SAMMSON: variants seen among roughly 807,000 people sequenced by gnomAD.
SAMMSON encodes the protein long intergenic non-protein coding RNA 1212.
rs1288444172 is a variant in SAMMSON at position 70,028,176 on chromosome 3, TTCCTTCCTTC to T, written n.417+14505_417+14514del. On this transcript the variant is annotated intron_variant and non_coding_transcript_variant, in intron 3 of 9. Transcript: ENST00000642114. ...CTTCCTTCCTTCCTTCCTTCCTTCC[TTCCTTCCTTC>T]CTTTCTTTCTTTCTTTCTCTCTTTC... Among the ~76,000 whole-genome samples, 602 of 147,714 alleles carry T rather than the reference TTCCTTCCTTC, an allele frequency of 4.1e-3. 5 individuals are homozygous for T. The highest frequency in any genetic ancestry group is 0.016 in the South Asian group (71 of 4,516).
At chr3:70,052,975 G>A (rs2067151905) in intron 3 of SAMMSON, among the ~76,000 whole-genome samples, 1 of 151,982 alleles carries the variant, frequency 6.6e-6, no homozygotes, top group Admixed American at 6.6e-5. Context: ...TGTGTTTCTT[G>A]TATATTAAAG....
At chr3:70,092,070 G>A (rs1333766624) in intron 4 of SAMMSON, among the ~76,000 whole-genome samples, 1 of 152,012 alleles carries the variant, frequency 6.6e-6, no homozygotes, top group Non-Finnish European at 1.5e-5. Context: ...GAAGATCTAG[G>A]CTCTAGGCCT....
At chr3:70,116,100 C>T (rs1463059204) in intron 4 of SAMMSON, among the ~76,000 whole-genome samples, 1 of 152,066 alleles carries the variant, frequency 6.6e-6, no homozygotes, top group Admixed American at 6.5e-5. Context: ...AAATTTCTGA[C>T]ACCCTCTTCA....
At chr3:70,263,418 G>T (rs1701886456) in intron 6 of SAMMSON, among the ~76,000 whole-genome samples, 1 of 152,064 alleles carries the variant, frequency 6.6e-6, no homozygotes, top group African/African-American at 2.4e-5. Context: ...AGCTAATTTA[G>T]CTTTTCTAAG....
downstream of SAMMSON, among the ~76,000 whole-genome samples, chr3:70,393,345 G>C (rs997841590): frequency 6.6e-6 from 1 of 152,182 alleles, no homozygotes; most frequent in African/African-American, 2.4e-5. Context: ...ATATGAGACA[G>C]TATATATAAA....
intron 1 of SAMMSON, among the ~76,000 whole-genome samples, chr3:70,007,983 C>G (rs2066935718): frequency 6.6e-6 from 1 of 151,988 alleles, no homozygotes; most frequent in Non-Finnish European, 1.5e-5. Flanking sequence ...TCTAAGGGCT[C>G]TGTTCTGTTC....
intron 7 of SAMMSON, among the ~76,000 whole-genome samples, chr3:70,350,183 A>G (rs1476094963): frequency 1.3e-5 from 2 of 152,190 alleles, no homozygotes; most frequent in African/African-American, 4.8e-5. Flanking sequence ...CCAGAATGCA[A>G]AAAGTGTTCC....
chr3:70,395,693 T>G (rs1251606487), intron 2 of SAMMSON, among the ~76,000 whole-genome samples: 3 of 151,820 alleles, frequency 2.0e-5, no homozygotes, highest in Non-Finnish European at 4.4e-5. Context: ...GAATGTGGAG[T>G]GGCAGGGACA....
intron 4 of SAMMSON, among the ~76,000 whole-genome samples, chr3:70,180,027 T>TGTGC (rs1553643637): frequency 1.0e-4 from 10 of 99,232 alleles, no homozygotes; most frequent in Non-Finnish European, 2.2e-4. Flanking sequence ...TGTGTGTGTG[T>TGTGC]GCGCGCACGT....
intron 6 of SAMMSON, among the ~76,000 whole-genome samples, chr3:70,279,016 C>G (rs777577909): frequency 2.0e-5 from 3 of 150,826 alleles, no homozygotes; most frequent in Non-Finnish European, 4.4e-5. Context: ...ATGTAGATGC[C>G]TATCAGTATC....
At chr3:70,155,747 C>G (rs1037428257) in intron 4 of SAMMSON, among the ~76,000 whole-genome samples, 1 of 152,014 alleles carries the variant, frequency 6.6e-6, no homozygotes, top group African/African-American at 2.4e-5. Flanking sequence ...ATCAGTCTCT[C>G]TCTTTCTTTG....
At chr3:70,013,278 CT>C (rs1559771963) in intron 2 of SAMMSON, among the ~76,000 whole-genome samples, 1 of 151,864 alleles carries the variant, frequency 6.6e-6, no homozygotes, top group Admixed American at 6.6e-5. Context: ...GAATGAGTTT[CT>C]TTTTTTAAAA....
intron 4 of SAMMSON, among the ~76,000 whole-genome samples, chr3:70,245,440 C>T (rs1298603267): frequency 1.3e-5 from 2 of 151,368 alleles, no homozygotes; most frequent in Non-Finnish European, 1.5e-5. Flanking sequence ...ACAAACTTGA[C>T]TTTGAATATG....
intron 3 of SAMMSON, among the ~76,000 whole-genome samples, chr3:70,067,712 C>T (rs960671723): frequency 2.0e-5 from 3 of 152,044 alleles, no homozygotes; most frequent in African/African-American, 7.2e-5. Flanking sequence ...AGATAAGCTG[C>T]AGCTGTGCCT....
At chr3:70,029,005 G>A (rs895019679) in intron 3 of SAMMSON, among the ~76,000 whole-genome samples, 6 of 152,166 alleles carry the variant, frequency 3.9e-5, no homozygotes, top group Admixed American at 3.9e-4. Context: ...GTGACTAGGA[G>A]ATCTGGTATT....
intron 2 of SAMMSON, among the ~76,000 whole-genome samples, chr3:70,427,561 A>G (rs2106777924): frequency 6.6e-6 from 1 of 152,122 alleles, no homozygotes; most frequent in Non-Finnish European, 1.5e-5. Context: ...GACACGGTGA[A>G]ACCCCGTCTC....
Position 70,365,970 on chromosome 3 carries a change from C to CTTT in SAMMSON, n.913+7675_913+7677dup, listed in dbSNP as rs1193657961. 2.7e-3 allele frequency among the ~76,000 whole-genome samples: 75 copies of CTTT among 27,772 alleles called. 26 individuals carry two copies. The highest frequency in any genetic ancestry group is 0.013 in the East Asian group (15 of 1,138). The allele number at this position is 27,772 out of a possible 152,430, so 18.2% of individuals were successfully genotyped here. A position where few individuals can be genotyped will look rare whatever the true frequency, so the allele number is the denominator to read the frequency against. ...AAAAATTGTTTGTGCTTTACCTTTT[C>CTTT]TTTTTTTTTTTTTTTTTTTTTTTTT... On this transcript the variant is annotated intron_variant and non_coding_transcript_variant, in intron 9 of 9. Coordinates refer to ENST00000642114, the Ensembl canonical transcript of SAMMSON.
At chr3:70,386,669 A>G (rs1703124907) in intron 9 of SAMMSON, among the ~76,000 whole-genome samples, 1 of 152,022 alleles carries the variant, frequency 6.6e-6, no homozygotes. Context: ...TTGAAGCAGC[A>G]ATGGTTATTA....
chr3:70,052,495 AT>A, intron 3 of SAMMSON, among the ~76,000 whole-genome samples: 1 of 152,250 alleles, frequency 6.6e-6, no homozygotes, highest in East Asian at 1.9e-4. Context: ...TCAGCATTAA[AT>A]TTTATTTGTA....
Sources: gnomAD v4.1 joint callset for allele counts (sites outside exome capture counted in the v4.1 genomes callset) on GRCh38, gnomAD v4.1.1 for gene constraint, MANE v1.5 for transcripts, NCBI Gene and HGNC (gene_info 2026-07-23, HGNC 2026-07-21) for gene names.